The following TMEM131L variants were observed in gnomAD, a reference collection of about 807,000 sequenced individuals.
The protein encoded by TMEM131L is transmembrane protein 131-like.
In TMEM131L, 54 loss-of-function variants were observed where a neutral mutation model predicts 192.2. The ratio of observed to expected loss-of-function variants is 0.28; its 90% confidence interval spans 0.23 to 0.35. The LOEUF (loss-of-function observed/expected upper bound fraction) is 0.35, where lower values mean the gene tolerates loss of function less well. TMEM131L is among the 10% of genes least tolerant of loss of function. The probability of loss-of-function intolerance (pLI) is 1.00; values close to 1 mark genes in which losing one functional copy is unlikely to be tolerated. For missense variants in TMEM131L, 1,888 were observed against 1,972.9 expected (o/e 0.96, Z 0.82); for synonymous variants, 701 against 704.9 (o/e 0.99, Z 0.09).
At chr4:153,606,043 T>G (rs1732210951) in intron 25 of TMEM131L, among the ~76,000 whole-genome samples, 3 of 152,200 alleles carry the variant, frequency 2.0e-5, no homozygotes, top group African/African-American at 7.2e-5. Context: ...ACCTGGCGTG[T>G]GAGTATGCCC....
intron 3 of TMEM131L, among the ~76,000 whole-genome samples, chr4:153,477,095 G>A (rs923398141): frequency 6.6e-6 from 1 of 152,162 alleles, no homozygotes; most frequent in East Asian, 1.9e-4. Flanking sequence ...TTCTTGAGGC[G>A]GGACAGATCC....
intron 34 of TMEM131L, among the ~76,000 whole-genome samples, 154 bp downstream of exon 34, chr4:153,635,725 A>G (rs1024251684): frequency 6.6e-6 from 1 of 152,146 alleles, no homozygotes; most frequent in Non-Finnish European, 1.5e-5. Context: ...AGGGCTGGCC[A>G]CCCTCTGAAG....
chr4:153,550,350 A>C (rs1053328290), intron 4 of TMEM131L, among the ~76,000 whole-genome samples: 21 of 152,152 alleles, frequency 1.4e-4, no homozygotes, highest in African/African-American at 5.1e-4. Flanking sequence ...TTTTTGAGAC[A>C]GACTCCTGCT....
At chr4:153,541,138 G>T (rs1339089367) in intron 3 of TMEM131L, among the ~76,000 whole-genome samples, 1 of 152,228 alleles carries the variant, frequency 6.6e-6, no homozygotes, top group Admixed American at 6.5e-5. Context: ...AGCCATGAAA[G>T]TAAGGAGAAA....
intron 7 of TMEM131L, among the ~76,000 whole-genome samples, chr4:153,580,523 G>T (rs993806473): frequency 6.6e-6 from 1 of 152,134 alleles, no homozygotes; most frequent in African/African-American, 2.4e-5. Context: ...CAGTGTTCCT[G>T]TGTATATTTA....
intron 3 of TMEM131L, among the ~76,000 whole-genome samples, chr4:153,492,681 A>G (rs1732871240): frequency 6.6e-6 from 1 of 152,244 alleles, no homozygotes; most frequent in Non-Finnish European, 1.5e-5. Flanking sequence ...AGGAATGTAT[A>G]TAGTTTTAAG....
intron 2 of TMEM131L, among the ~76,000 whole-genome samples, chr4:153,473,133 G>T (rs74961462): frequency 0.082 from 12,526 of 152,280 alleles, 709 homozygotes; most frequent in Non-Finnish European, 0.13. Context: ...GGACAGTGCT[G>T]TATGCTGTTG....
intron 29 of TMEM131L, among the ~76,000 whole-genome samples, chr4:153,624,163 G>A (rs1259103550): frequency 4.1e-5 from 6 of 147,226 alleles, no homozygotes; most frequent in Admixed American, 2.1e-4. Flanking sequence ...CTGTTGCCCC[G>A]GCTGGAGTGC....
intron 26 of TMEM131L, among the ~76,000 whole-genome samples, chr4:153,613,589 C>T (rs1339250619): frequency 6.6e-6 from 1 of 151,840 alleles, no homozygotes; most frequent in African/African-American, 2.4e-5. Flanking sequence ...TTGACAGTTC[C>T]CTTGGTTCTA....
At chr4:153,610,995 T>C (rs1047305049) in intron 25 of TMEM131L, among the ~76,000 whole-genome samples, 1 of 152,208 alleles carries the variant, frequency 6.6e-6, no homozygotes, top group African/African-American at 2.4e-5. Context: ...CCAGTTATTG[T>C]GGGGTTGAAG....
intron 9 of TMEM131L, among the ~76,000 whole-genome samples, chr4:153,582,509 G>A (rs1324780132): frequency 1.4e-5 from 2 of 144,396 alleles, no homozygotes; most frequent in African/African-American, 5.4e-5. Flanking sequence ...GAACTCCTGG[G>A]CTCAAGCATT....
chr4:153,624,948 A>G (rs899507048), intron 29 of TMEM131L, among the ~76,000 whole-genome samples: 2 of 152,070 alleles, frequency 1.3e-5, no homozygotes, highest in African/African-American at 4.8e-5. Context: ...ACGCGATTCC[A>G]CTCAGCAGTT....
At chr4:153,520,594 T>C (rs1202592839) in intron 3 of TMEM131L, among the ~76,000 whole-genome samples, 1 of 152,208 alleles carries the variant, frequency 6.6e-6, no homozygotes, top group African/African-American at 2.4e-5. Context: ...GGGAAGGCCC[T>C]AGGTCTCCAG....
At chr4:153,553,681 G>C (rs1385962951) in intron 4 of TMEM131L, among the ~76,000 whole-genome samples, 4 of 152,056 alleles carry the variant, frequency 2.6e-5, no homozygotes, top group Non-Finnish European at 5.9e-5. Context: ...TCATAGCTTT[G>C]ATTTTCCTGG....
chr4:153,498,255 C>T (rs929651651), intron 3 of TMEM131L, among the ~76,000 whole-genome samples: 1 of 152,156 alleles, frequency 6.6e-6, no homozygotes, highest in Non-Finnish European at 1.5e-5. Flanking sequence ...CTCTTGCACC[C>T]TCTGAGGCTG....
At position 153,569,749 on chromosome 4, in the gene TMEM131L, T is replaced by C. The variant is rs76322854; in HGVS notation, c.661-11077T>C. On this transcript the variant is annotated intron_variant, in intron 7 of 34. Transcript: ENST00000409959. Reference sequence around the variant, plus strand: ...CTTTCGGATAGGGTTGGTGTAGCAATTGAATCAACCAATTTATTTAAAGAG... The same window carrying C: ...CTTTCGGATAGGGTTGGTGTAGCAACTGAATCAACCAATTTATTTAAAGAG... Among the ~76,000 whole-genome samples the C allele has an allele frequency of 7.0e-3, 1,068 of 152,318 alleles. 13 individuals carry two copies. Among genetic ancestry groups the C allele is most frequent in the African/African-American group, 0.024 (990 of 41,562 alleles).
At chr4:153,554,769 CT>C (rs2150448713) in intron 4 of TMEM131L, among the ~76,000 whole-genome samples, 1 of 152,332 alleles carries the variant, frequency 6.6e-6, no homozygotes, top group East Asian at 1.9e-4. Context: ...TGCTGGCTCC[CT>C]GTTCATTGCA....
At chr4:153,595,229 G>C (rs1361197158) in intron 19 of TMEM131L, among the ~76,000 whole-genome samples, 1 of 152,068 alleles carries the variant, frequency 6.6e-6, no homozygotes, top group Non-Finnish European at 1.5e-5. Context: ...TTTTGATTTT[G>C]CTGATTTGCT....
chr4:153,582,981 A>G (rs1730463073), intron 9 of TMEM131L, among the ~76,000 whole-genome samples: 1 of 151,952 alleles, frequency 6.6e-6, no homozygotes, highest in Non-Finnish European at 1.5e-5. Flanking sequence ...AGGCATTTTT[A>G]TGAGGATCTT....
Sources: allele counts gnomAD v4.1 joint callset (sites outside exome capture counted in the v4.1 genomes callset), GRCh38; gene constraint gnomAD v4.1.1; transcripts MANE v1.5; gene names NCBI Gene and HGNC (gene_info 2026-07-23, HGNC 2026-07-21).